NKIRAS1: variants seen among roughly 807,000 people sequenced by gnomAD.
The protein encoded by NKIRAS1 is NF-kappa-B inhibitor-interacting Ras-like protein 1.
Under a neutral mutation model 19.8 loss-of-function variants are expected in NKIRAS1, and 16 were observed. The ratio of observed to expected loss-of-function variants is 0.81; its 90% CI spans 0.55 to 1.23. NKIRAS1 has a LOEUF of 1.23. NKIRAS1 is among the 50% of genes most tolerant of loss of function. The pLI is 0.00. For synonymous variants in NKIRAS1, 88 were observed against 79.0 expected (o/e 1.11, Z -0.61); for missense variants, 184 against 220.0 (o/e 0.84, Z 1.04).
chr3:23,918,735 A>G (rs1413863584), upstream of NKIRAS1: 1 of 860,832 alleles, frequency 1.2e-6, no homozygotes, highest in East Asian at 2.6e-5. Flanking sequence ...TGCTTGAAAG[A>G]CTTGTCTTTG....
rs148750037 is a variant in NKIRAS1 at position 23,937,273 on chromosome 3, A to G, written c.-140+9050T>C. Among the ~76,000 whole-genome samples the G allele has an allele frequency of 3.3e-4, 50 of 152,214 alleles. No individual in the cohort carries two copies. In the East Asian group the frequency reaches 8.5e-3, roughly 26 times the overall value. On this transcript the variant is annotated intron_variant, in intron 1 of 4. Coordinates refer to the NKIRAS1 transcript ENST00000421515. ...GTAGTCCCAGCTACTCGGTAGGCTG[A>G]GGCACGAGAATCGCCTGAACCTGGG...
upstream of NKIRAS1, chr3:23,919,122 G>A (rs1243229960): frequency 9.9e-7 from 1 of 1,007,442 alleles, no homozygotes; most frequent in Non-Finnish European, 1.5e-6. Context: ...CTAGAGTTGA[G>A]AATTAAAATT....
At chr3:23,937,140 G>A (rs1028824912) in intron 1 of NKIRAS1, among the ~76,000 whole-genome samples, 1 of 152,074 alleles carries the variant, frequency 6.6e-6, no homozygotes, top group African/African-American at 2.4e-5. Context: ...GGCACTTTGG[G>A]AGGCTGAGGT....
chr3:23,914,357 AC>A (rs1411195690), intron 1 of NKIRAS1, among the ~76,000 whole-genome samples: 5 of 152,332 alleles, frequency 3.3e-5, no homozygotes, highest in African/African-American at 1.2e-4. Flanking sequence ...AACCAGAAAA[AC>A]AATACCAAAA....
rs1476908546 is a variant in NKIRAS1 at position 23,928,989 on chromosome 3, T to G, written c.-140+17334A>C. ...TCCAGCCTGGGCGACAGAGCGAGACTCCATCTCTTTAAAAAAAAAAAAAAG... is the reference window on the plus strand; with the variant it reads ...TCCAGCCTGGGCGACAGAGCGAGACGCCATCTCTTTAAAAAAAAAAAAAAG... On this transcript the variant is annotated intron_variant, in intron 1 of 4. Coordinates refer to the NKIRAS1 transcript ENST00000421515. 2.9e-5 allele frequency among the ~76,000 whole-genome samples: 4 copies of G among 136,828 alleles called. No individual in the cohort carries two copies. The Admixed American group carries it at 3.1e-4, about 11-fold the overall frequency. The allele number at this position is 136,828 out of a possible 152,430, so 89.8% of individuals were successfully genotyped here.
upstream of NKIRAS1, chr3:23,918,976 T>A: frequency 1.7e-6 from 1 of 587,458 alleles, no homozygotes. Flanking sequence ...GAATGGAGTA[T>A]TAAGAGGGAA....
At chr3:23,936,360 A>G (rs1052862360) in intron 1 of NKIRAS1, among the ~76,000 whole-genome samples, 1 of 152,122 alleles carries the variant, frequency 6.6e-6, no homozygotes, top group Non-Finnish European at 1.5e-5. Flanking sequence ...ACTTAGTCAC[A>G]TTGGCCTGTA....
upstream of NKIRAS1, chr3:23,919,776 C>A: frequency 4.4e-6 from 5 of 1,139,022 alleles, no homozygotes; most frequent in Non-Finnish European, 5.4e-6. Context: ...TTAATAAATT[C>A]TTTAAAAGGA....
At position 23,891,809 on chromosome 3, in the gene NKIRAS1, C is replaced by CTT. The variant is rs1410916295; in HGVS notation, c.*1284_*1285dup. The CTT allele has an allele frequency of 1.3e-5, 2 of 152,018 alleles. No homozygotes were observed. The highest frequency in any genetic ancestry group is 4.8e-5 in the African/African-American group (2 of 41,364). 9.4% of individuals were successfully genotyped at this position (152,018 alleles called of 1,614,324 possible). A position where few individuals can be genotyped will look rare whatever the true frequency, so the allele number is the denominator to read the frequency against. ...AGGAAACAAAGCAAACTGGAAGGTA[C>CTT]TTATTTAAAAATCATTATGAAAGCA... On this transcript the variant is annotated 3_prime_UTR_variant, in exon 5 of 5. Coordinates refer to ENST00000425478, the MANE Select transcript of NKIRAS1 (RefSeq NM_020345.4).
At chr3:23,935,013 C>T (rs11926688) in intron 1 of NKIRAS1, among the ~76,000 whole-genome samples, 97,466 of 151,930 alleles carry the variant, frequency 0.64, 31,465 homozygotes, top group Middle Eastern at 0.73. Context: ...CCTCTATTTC[C>T]CTTTGTACCT....
At chr3:23,923,553 C>G (rs1575126219) in intron 1 of NKIRAS1, 1 of 152,126 alleles carries the variant, frequency 6.6e-6, no homozygotes, top group Non-Finnish European at 1.5e-5. Flanking sequence ...TGCATGGTAT[C>G]CCATCATGTG....
chr3:23,911,809 C>A (rs527590189), intron 1 of NKIRAS1, among the ~76,000 whole-genome samples: 1 of 142,104 alleles, frequency 7.0e-6, no homozygotes, highest in African/African-American at 2.6e-5. Flanking sequence ...GTCACTCAGG[C>A]TGGAGTGCAG....
intron 1 of NKIRAS1, among the ~76,000 whole-genome samples, chr3:23,944,918 G>C (rs1705591350): frequency 6.6e-6 from 1 of 152,016 alleles, no homozygotes; most frequent in South Asian, 2.1e-4. Flanking sequence ...ACCCTTGCTC[G>C]GCGCCAAGCC....
At chr3:23,921,570 G>GTTGTTTTT, upstream of NKIRAS1, 8 of 508,314 alleles carry the variant, frequency 1.6e-5, no homozygotes, top group Admixed American at 3.1e-5. Flanking sequence ...TGATTATTGA[G>GTTGTTTTT]TTTTTTTTTT....
At chr3:23,942,165 G>C (rs1383463164) in intron 1 of NKIRAS1, among the ~76,000 whole-genome samples, 2 of 152,024 alleles carry the variant, frequency 1.3e-5, no homozygotes, top group Admixed American at 1.3e-4. Flanking sequence ...TTTTAGTAGA[G>C]ACGGGGTTTT....
rs909775864 is a variant in NKIRAS1, at chr3:23,922,362, C to G, written c.-139-10912G>C. ...TTGCTCAAAGTCATACAGTGACAGT[C>G]TGAATTCAAATCCTATACACTTAAA... On this transcript the variant is annotated intron_variant, in intron 1 of 4. Transcript: ENST00000421515. This position sits in a 1 kb window ranked among gnomAD's most constrained non-coding sequence, Gnocchi z 4.2. The G allele has an allele frequency of 6.6e-6, 1 of 152,216 alleles. No individual in the cohort carries two copies. The highest frequency in any genetic ancestry group is 1.5e-5 in the Non-Finnish European group (1 of 68,050). 9.4% of individuals were successfully genotyped at this position (152,216 alleles called of 1,614,324 possible).
At chr3:23,925,696 T>C (rs1274939863) in intron 1 of NKIRAS1, among the ~76,000 whole-genome samples, 1 of 152,216 alleles carries the variant, frequency 6.6e-6, no homozygotes, top group Non-Finnish European at 1.5e-5. Flanking sequence ...TTTACAATTC[T>C]CCTACAGACA....
In NKIRAS1 at chr3:23,890,167, T is replaced by C. The variant is rs1374518251; in HGVS notation, c.*2928A>G. On this transcript the variant is annotated 3_prime_UTR_variant, in exon 5 of 5. Coordinates refer to ENST00000425478, the MANE Select transcript of NKIRAS1 (RefSeq NM_020345.4). Reference sequence around the variant, plus strand: ...AGGGTCACATGAACACAGCTGGATGTTCATTGCAGTCTGAAGCCTTGACCG... The same window carrying C: ...AGGGTCACATGAACACAGCTGGATGCTCATTGCAGTCTGAAGCCTTGACCG... Among the ~76,000 whole-genome samples the C allele has an allele frequency of 6.6e-6, 1 of 152,154 alleles. No individual in the cohort carries two copies. Among genetic ancestry groups the C allele is most frequent in the African/African-American group, 2.4e-5 (1 of 41,428 alleles).
intron 3 of NKIRAS1, among the ~76,000 whole-genome samples, chr3:23,906,619 T>C (rs1032484282): frequency 3.3e-5 from 5 of 151,600 alleles, no homozygotes; most frequent in South Asian, 2.1e-4. Context: ...AGTTAATAAA[T>C]AGTAAATATA....
Sources: gnomAD v4.1 joint callset for allele counts (sites outside exome capture counted in the v4.1 genomes callset) on GRCh38, gnomAD v4.1.1 for gene constraint, Gnocchi (gnomAD v3.1) non-coding constraint, MANE v1.5 for transcripts, NCBI Gene and HGNC (gene_info 2026-07-23, HGNC 2026-07-21) for gene names.